The following SNX29 variants were observed in gnomAD, a reference collection of about 807,000 sequenced individuals.
SNX29 encodes the protein sorting nexin 29, also known as sorting nexin-29.
SNX29 carries 78 observed loss-of-function variants against 102.1 expected under a neutral mutation model. The ratio of observed to expected loss-of-function variants is 0.76; its 90% confidence interval spans 0.64 to 0.92. The LOEUF is 0.92. Ranked by LOEUF, SNX29 falls within the 40% of genes least tolerant of loss-of-function variation. The probability of loss-of-function intolerance (pLI) is 0.00; values close to 1 mark genes in which losing one functional copy is unlikely to be tolerated. For missense variants in SNX29, 1,280 were observed against 1,061.7 expected (o/e 1.21, Z -2.86); for synonymous variants, 580 against 414.5 (o/e 1.40, Z -4.85).
intron 20 of SNX29, among the ~76,000 whole-genome samples, chr16:12,530,910 A>C (rs1034365236): frequency 1.3e-5 from 2 of 152,082 alleles, no homozygotes; most frequent in African/African-American, 4.8e-5. Flanking sequence ...AATAGTATCC[A>C]CCGTAATGGC....
intron 20 of SNX29, among the ~76,000 whole-genome samples, chr16:12,567,859 C>T (rs62028745): frequency 6.6e-6 from 1 of 152,172 alleles, no homozygotes; most frequent in African/African-American, 2.4e-5. Context: ...TACCCTATCC[C>T]CTAAAAAATG....
intron 11 of SNX29, among the ~76,000 whole-genome samples, chr16:12,122,861 C>T (rs1030025635): frequency 4.6e-5 from 7 of 152,320 alleles, no homozygotes; most frequent in Middle Eastern, 3.4e-3. Context: ...GAGTCTCACT[C>T]TGTCACCCAG....
chr16:12,505,341 G>A (rs1020102956), intron 19 of SNX29, among the ~76,000 whole-genome samples: 4 of 151,958 alleles, frequency 2.6e-5, no homozygotes, highest in African/African-American at 9.7e-5. Context: ...TAGCATATTC[G>A]GTGTCTGGTG....
intron 13 of SNX29, among the ~76,000 whole-genome samples, chr16:12,134,677 A>C (rs2054594543): frequency 6.6e-6 from 1 of 152,186 alleles, no homozygotes. Context: ...AGTCACAGTC[A>C]ACCTTGGTTC....
rs3803606 is a variant in SNX29, at chr16:12,572,246, G to A, written c.*3617G>A. 6 of 1,048,512 alleles carry A rather than the reference G, an allele frequency of 5.7e-6. No individual in the cohort carries two copies. Among genetic ancestry groups the A allele is most frequent in the East Asian group, 5.1e-5 (1 of 19,724 alleles). 65.0% of individuals were successfully genotyped at this position (1,048,512 alleles called of 1,614,324 possible). On this transcript the variant is annotated 3_prime_UTR_variant, in exon 21 of 21. Transcript: ENST00000566228. ...TCCTGAAAGTCGTTTACACCAGGTG[G>A]ATTGATACCATGGCTGTAGCTGATG...
At chr16:12,543,411 T>G (rs1024517213) in intron 20 of SNX29, among the ~76,000 whole-genome samples, 1 of 152,160 alleles carries the variant, frequency 6.6e-6, no homozygotes, top group African/African-American at 2.4e-5. Context: ...CCCGATTCAC[T>G]GAAAGGAGAG....
At chr16:12,164,435 G>T (rs893452236) in intron 13 of SNX29, among the ~76,000 whole-genome samples, 1 of 152,166 alleles carries the variant, frequency 6.6e-6, no homozygotes, top group African/African-American at 2.4e-5. Flanking sequence ...CTGTAGGTTC[G>T]TGATTTTGAG....
intron 18 of SNX29, among the ~76,000 whole-genome samples, chr16:12,431,487 T>C (rs1353175479): frequency 6.6e-6 from 1 of 151,276 alleles, no homozygotes; most frequent in Admixed American, 6.6e-5. Flanking sequence ...AAGTTATTGA[T>C]CCACAGTGTA....
At chr16:12,459,168 C>A (rs925867560) in intron 18 of SNX29, among the ~76,000 whole-genome samples, 18 of 148,474 alleles carry the variant, frequency 1.2e-4, no homozygotes, top group Non-Finnish European at 7.4e-5. Context: ...CCCTCCTCCC[C>A]TATCCTCCTA....
intron 20 of SNX29, among the ~76,000 whole-genome samples, chr16:12,568,097 G>C (rs889204658): frequency 6.6e-6 from 1 of 152,128 alleles, no homozygotes; most frequent in African/African-American, 2.4e-5. Flanking sequence ...CCTGTGTTTT[G>C]CTACGCATCT....
intron 14 of SNX29, among the ~76,000 whole-genome samples, chr16:12,250,415 G>A (rs967619844): frequency 2.6e-5 from 4 of 152,192 alleles, no homozygotes; most frequent in Non-Finnish European, 5.9e-5. Flanking sequence ...TCGGCCTCAT[G>A]TTGCAATGGC....
rs79904872 is a variant in SNX29 at position 12,359,545 on chromosome 16, C to T, written c.1899+3266C>T. On this transcript the variant is annotated intron_variant, in intron 16 of 20. Coordinates refer to ENST00000566228, the MANE Select transcript of SNX29 (RefSeq NM_032167.5). Reference sequence around the variant, plus strand: ...TTTCAGTTACATGTATTTTACATATCTGCTCCTAGTCTTTGGCTTAATCAT... The same window carrying T: ...TTTCAGTTACATGTATTTTACATATTTGCTCCTAGTCTTTGGCTTAATCAT... 3.0e-3 allele frequency among the ~76,000 whole-genome samples: 455 copies of T among 152,280 alleles called. 1 individual carries two copies. The highest frequency in any genetic ancestry group is 5.1e-3 in the Non-Finnish European group (347 of 68,026).
intron 1 of SNX29, among the ~76,000 whole-genome samples, chr16:11,995,899 A>C (rs2056053800): frequency 6.6e-6 from 1 of 152,022 alleles, no homozygotes; most frequent in African/African-American, 2.4e-5. Context: ...GTCTCTACTG[A>C]AAATACAAAA....
intron 13 of SNX29, among the ~76,000 whole-genome samples, chr16:12,151,243 T>C (rs1381666063): frequency 6.6e-6 from 1 of 152,218 alleles, no homozygotes; most frequent in Non-Finnish European, 1.5e-5. Context: ...TTACATCAGC[T>C]ATAAATACTT....
chr16:12,429,867 T>C (rs535471944), intron 18 of SNX29, among the ~76,000 whole-genome samples: 73 of 152,338 alleles, frequency 4.8e-4, no homozygotes, highest in African/African-American at 1.5e-3. Flanking sequence ...TTGTAGTAGA[T>C]GGATACAGAT....
intron 18 of SNX29, among the ~76,000 whole-genome samples, chr16:12,414,817 G>T (rs1166612343): frequency 1.3e-5 from 2 of 152,314 alleles, no homozygotes; most frequent in East Asian, 3.9e-4. Flanking sequence ...CGCCTCCGGG[G>T]TTCAAGCAAT....
chr16:12,183,812 G>A (rs1567287860), intron 13 of SNX29, among the ~76,000 whole-genome samples: 1 of 152,200 alleles, frequency 6.6e-6, no homozygotes. Flanking sequence ...CAGTAAAGAA[G>A]CCGGCTGAAT....
intron 16 of SNX29, among the ~76,000 whole-genome samples, chr16:12,391,460 A>G (rs908793026): frequency 8.5e-5 from 13 of 152,228 alleles, no homozygotes; most frequent in Non-Finnish European, 1.9e-4. Flanking sequence ...TCGTTCTTCC[A>G]GCATGGTGGA....
intron 14 of SNX29, among the ~76,000 whole-genome samples, chr16:12,251,878 G>C (rs1021403403): frequency 5.9e-5 from 9 of 152,002 alleles, no homozygotes; most frequent in Non-Finnish European, 1.2e-4. Flanking sequence ...TCTTGACTCA[G>C]CCTCCCCAGT....
Sources: allele counts gnomAD v4.1 joint callset (sites outside exome capture counted in the v4.1 genomes callset), GRCh38; gene constraint gnomAD v4.1.1; transcripts MANE v1.5; gene names NCBI Gene and HGNC (gene_info 2026-07-23, HGNC 2026-07-21).